Variants in TRIM25 observed in about 807,000 individuals in gnomAD.
TRIM25 encodes the protein E3 ubiquitin/ISG15 ligase TRIM25.
In TRIM25, 45 loss-of-function variants were observed where a neutral mutation model predicts 65.2. That is an observed-to-expected ratio of 0.69 (90% CI 0.54 to 0.89). The LOEUF (loss-of-function observed/expected upper bound fraction) is 0.89, where lower values mean the gene tolerates loss of function less well. TRIM25 is among the 40% of genes least tolerant of loss of function. The pLI is 0.00. For missense variants in TRIM25, 714 were observed against 803.7 expected, an observed-to-expected ratio of 0.89 and a Z score of 1.35; for synonymous variants, 321 against 340.4, an observed-to-expected ratio of 0.94 and a Z score of 0.63.
rs925177684 is a variant in TRIM25 at position 56,891,092 on chromosome 17, G to A, written c.*608C>T. On this transcript the variant is annotated 3_prime_UTR_variant, in exon 9 of 9. Coordinates refer to ENST00000316881, the MANE Select transcript of TRIM25 (RefSeq NM_005082.5). ...TGGGTGTGCAGGGTAGGAAGGGAACGCACTATTTTCCAGTGGAGGAAGAGG... is the reference window on the plus strand; with the variant it reads ...TGGGTGTGCAGGGTAGGAAGGGAACACACTATTTTCCAGTGGAGGAAGAGG... 7 of 368,170 alleles carry A rather than the reference G, an allele frequency of 1.9e-5. No individual in the cohort carries two copies. Among genetic ancestry groups the A allele is most frequent in the Middle Eastern group, 4.6e-4 (1 of 2,176 alleles). The allele number at this position is 368,170 out of a possible 1,614,324, so 22.8% of individuals were successfully genotyped here.
intron 1 of TRIM25, among the ~76,000 whole-genome samples, chr17:56,910,775 A>G (rs975118473): frequency 2.0e-5 from 3 of 152,206 alleles, no homozygotes; most frequent in Admixed American, 6.5e-5. Context: ...GGGAGGCACC[A>G]GAGTCTCAAG....
In TRIM25 at chr17:56,890,759, G is replaced by A; in HGVS notation, c.*941C>T. ...CACCGAGAAGAGTTGTCAGTAAGAA[G>A]GCAGGACACTCTAACACGAGCAAAC... On this transcript the variant is annotated 3_prime_UTR_variant, in exon 9 of 9. Coordinates refer to ENST00000316881, the MANE Select transcript of TRIM25 (RefSeq NM_005082.5). 1 of 456,510 alleles carries A rather than the reference G, an allele frequency of 2.2e-6. No homozygotes were observed. Among genetic ancestry groups the A allele is most frequent in the Admixed American group, 2.3e-5 (1 of 42,572 alleles). The allele number at this position is 456,510 out of a possible 1,614,324, so 28.3% of individuals were successfully genotyped here.
chr17:56,909,201 A>C lies in TRIM25; in HGVS notation c.598-638T>G, dbSNP rs887876134. 1.3e-5 allele frequency among the ~76,000 whole-genome samples: 2 copies of C among 151,994 alleles called. 1 individual carries two copies. Among genetic ancestry groups the C allele is most frequent in the African/African-American group, 4.8e-5 (2 of 41,388 alleles). On this transcript the variant is annotated intron_variant, in intron 1 of 8. Transcript: ENST00000316881. ...GGAGAGCCAATCAAGCAGAGGATTA[A>C]GAAGTCAAGGTCCAGGAGAAGGGGG...
intron 2 of TRIM25, among the ~76,000 whole-genome samples, chr17:56,906,622 T>A (rs2144360670): frequency 6.6e-6 from 1 of 152,268 alleles, no homozygotes; most frequent in East Asian, 1.9e-4. Context: ...GCCTCCTGAG[T>A]AGCTGGAACT....
In TRIM25 at chr17:56,908,458, T is replaced by C. The variant is rs759824053; in HGVS notation, c.693+10A>G. 3 of 1,613,106 alleles carry C rather than the reference T, an allele frequency of 1.9e-6. No homozygotes were observed. In the Admixed American group the frequency reaches 5.0e-5, roughly 27 times the overall value. On this transcript the variant is annotated intron_variant, in intron 2 of 8. Coordinates refer to ENST00000316881, the MANE Select transcript of TRIM25 (RefSeq NM_005082.5). The stretch of plus-strand genomic sequence containing the variant: ...GGGCAGGGCTGGCCTTGGAGAGCCC[T>C]GCCACTCACCCGCACATCCTGCTGC...
intron 5 of TRIM25, among the ~76,000 whole-genome samples, chr17:56,896,295 G>A (rs1383681623): frequency 6.6e-6 from 1 of 151,704 alleles, no homozygotes; most frequent in East Asian, 1.9e-4. Context: ...ATTTACTGCA[G>A]GTAAATTATA....
Position 56,890,293 on chromosome 17 carries a change from C to T in TRIM25, c.*1407G>A, listed in dbSNP as rs1909141491. On this transcript the variant is annotated 3_prime_UTR_variant, in exon 9 of 9. Transcript: ENST00000316881. ...TGGGGAAAATCCAGCCATCCATTCA[C>T]TCCCGCCCCTTAGTGGACTGGGTTA... 6.2e-5 allele frequency: 21 copies of T among 338,216 alleles called. No individual in the cohort carries two copies. The highest frequency in any genetic ancestry group is 4.8e-4 in the South Asian group (21 of 43,840). 21.0% of individuals were successfully genotyped at this position (338,216 alleles called of 1,614,324 possible).
chr17:56,909,410 C>G (rs923607049), intron 1 of TRIM25, among the ~76,000 whole-genome samples: 2 of 152,084 alleles, frequency 1.3e-5, no homozygotes, highest in African/African-American at 4.8e-5. Context: ...GCCAGCCAGG[C>G]GCAGTGGCTC....
At chr17:56,899,206 G>A in intron 4 of TRIM25, 26 bp from the exon 5 acceptor site, 1 of 1,613,852 alleles carries the variant, frequency 6.2e-7, no homozygotes, top group Non-Finnish European at 8.5e-7. Flanking sequence ...AGGGCTCAGT[G>A]TGTGCGGCTC....
At chr17:56,900,327 C>T (rs1318345115) in intron 4 of TRIM25, among the ~76,000 whole-genome samples, 2 of 152,096 alleles carry the variant, frequency 1.3e-5, no homozygotes, top group East Asian at 3.9e-4. Context: ...TTTGAGGTTA[C>T]AGTGAACTAT....
Position 56,891,024 on chromosome 17 carries a change from A to T in TRIM25, c.*676T>A. The T allele has an allele frequency of 2.4e-6, 1 of 414,126 alleles. No homozygotes were observed. Among genetic ancestry groups the T allele is most frequent in the Non-Finnish European group, 4.9e-6 (1 of 205,080 alleles). The allele number at this position is 414,126 out of a possible 1,614,324, so 25.7% of individuals were successfully genotyped here. A position where few individuals can be genotyped will look rare whatever the true frequency, so the allele number is the denominator to read the frequency against. ...GATTCCAATCATGGTTTGAAGCTTT[A>T]GCTGAAAAGTTTGCTGTTTGAAAAC... On this transcript the variant is annotated 3_prime_UTR_variant, in exon 9 of 9. Transcript: ENST00000316881.
At chr17:56,904,523 G>A in intron 2 of TRIM25, 35 bp from the exon 3 acceptor site, 5 of 1,596,740 alleles carry the variant, frequency 3.1e-6, no homozygotes, top group Non-Finnish European at 4.3e-6. Flanking sequence ...GCCCGTCAAA[G>A]GGGCAAAAGT....
At position 56,888,527 on chromosome 17, in the gene TRIM25, G is replaced by A. The variant is rs1400796803; in HGVS notation, c.*3173C>T. ...TTTTTTTTTAAAGCTTTTTATTATA[G>A]ACATTTTCAAACATATACAACAGTA... On this transcript the variant is annotated 3_prime_UTR_variant, in exon 9 of 9. Transcript: ENST00000316881. The A allele has an allele frequency of 1.3e-5, 2 of 150,880 alleles. No homozygotes were observed. The highest frequency in any genetic ancestry group is 2.9e-5 in the Non-Finnish European group (2 of 67,848). The allele number at this position is 150,880 out of a possible 1,614,324, so 9.3% of individuals were successfully genotyped here. A position where few individuals can be genotyped will look rare whatever the true frequency, so the allele number is the denominator to read the frequency against.
chr17:56,911,455 CT>C (rs1460559451), intron 1 of TRIM25, among the ~76,000 whole-genome samples: 2 of 151,874 alleles, frequency 1.3e-5, no homozygotes, highest in East Asian at 3.9e-4. Context: ...TGGCGCAGGC[CT>C]GTAGTCCCAG....
intron 5 of TRIM25, 148 bp downstream of exon 5, chr17:56,898,967 G>GC (rs1479903017): frequency 8.9e-6 from 7 of 790,534 alleles, no homozygotes; most frequent in East Asian, 2.7e-5. Context: ...CAGCCCTACA[G>GC]CCCCCCGCAG....
chr17:56,895,993 C>A, intron 5 of TRIM25, 41 bp from the exon 6 acceptor site: 1 of 1,584,290 alleles, frequency 6.3e-7, no homozygotes, highest in Non-Finnish European at 8.6e-7. Flanking sequence ...TTTTAAGGCA[C>A]AACACAATGA....
At chr17:56,900,991 G>A (rs1265029347) in intron 4 of TRIM25, among the ~76,000 whole-genome samples, 5 of 152,202 alleles carry the variant, frequency 3.3e-5, no homozygotes. Context: ...AGCAGACTGA[G>A]TCAGGAGATT....
In TRIM25 at chr17:56,913,945, A is replaced by T. The variant is rs780327925; in HGVS notation, c.44T>A (p.Ile15Asn). 1 of 1,588,628 alleles carries T rather than the reference A, an allele frequency of 6.3e-7. No individual in the cohort carries two copies. The highest frequency in any genetic ancestry group is 8.6e-7 in the Non-Finnish European group (1 of 1,167,840). Residue 15 changes from isoleucine to asparagine, a missense_variant, in exon 1 of 9, where the codon ATC becomes AAC. Ile to Asn is a moderately radical substitution (Grantham distance 149, BLOSUM62 -3). Around this residue, in one of 3 missense-constraint regions of TRIM25, gnomAD observed 291 missense variants for 281.8 expected, o/e 1.03. Transcript: ENST00000316881. This position sits in a 1 kb window ranked among gnomAD's most constrained non-coding sequence, Gnocchi z 6.1. ...CGGCTCCTTGAAGGGCTCCAGGCAG[A>T]TGGAGCACGACAGCTCCTCGGCCAG... Reference protein sequence around the residue: ...CPLAEELSCSICLEPFKEPVT... With the variant: ...CPLAEELSCSNCLEPFKEPVT...
rs1470644960 is a variant in TRIM25, at chr17:56,895,571, G to A, written c.1214C>T (p.Thr405Met). 20 of 1,579,316 alleles carry A rather than the reference G, an allele frequency of 1.3e-5. No homozygotes were observed. The highest frequency in any genetic ancestry group is 1.6e-5 in the Non-Finnish European group (18 of 1,160,658). ...CACTAACTGTTCCGGGGCTCCAAACGTGGGAAGCTTGCTGGGTAAGGCAGG... is the reference window on the plus strand; with the variant it reads ...CACTAACTGTTCCGGGGCTCCAAACATGGGAAGCTTGCTGGGTAAGGCAGG... ...PVPALPSKLP[T>M]FGAPEQLVDL... is the part of the protein sequence containing the mutation. Residue 405 changes from threonine to methionine, a missense_variant, in exon 7 of 9, where the codon ACG becomes ATG. Around this residue, in one of 3 missense-constraint regions of TRIM25, gnomAD observed 413 missense variants for 498.2 expected, o/e 0.83. Coordinates refer to ENST00000316881, the MANE Select transcript of TRIM25 (RefSeq NM_005082.5).
Sources: gnomAD v4.1 joint callset for allele counts (sites outside exome capture counted in the v4.1 genomes callset) on GRCh38, gnomAD v4.1.1 for gene constraint, gnomAD v4.1.1 regional missense constraint, Gnocchi (gnomAD v3.1) non-coding constraint, MANE v1.5 for transcripts, NCBI Gene and HGNC (gene_info 2026-07-23, HGNC 2026-07-21) for gene names.